Variants in RALGPS1 observed in about 807,000 individuals in gnomAD.
RALGPS1 encodes ras-specific guanine nucleotide-releasing factor RalGPS1.
Under a neutral mutation model 78.8 loss-of-function variants are expected in RALGPS1, and 19 were observed. The observed-to-expected ratio is 0.24, with a 90% confidence interval of 0.17 to 0.35. The LOEUF (loss-of-function observed/expected upper bound fraction) is 0.35. Ranked by LOEUF, RALGPS1 falls within the 10% of genes least tolerant of loss-of-function variation. The pLI is 1.00. For missense variants in RALGPS1, 454 were observed against 688.3 expected (o/e 0.66, Z 3.81); for synonymous variants, 228 against 256.3 (o/e 0.89, Z 1.06).
In RALGPS1 at chr9:127,218,192, T is replaced by C. The variant is rs1316908507; in HGVS notation, c.1645-548T>C. Among the ~76,000 whole-genome samples, 2 of 152,084 alleles carry C rather than the reference T, an allele frequency of 1.3e-5. No homozygotes were observed. Among genetic ancestry groups the C allele is most frequent in the Admixed American group, 6.5e-5 (1 of 15,274 alleles). On this transcript the variant is annotated intron_variant, in intron 18 of 18. Coordinates refer to ENST00000259351, the MANE Select transcript of RALGPS1 (RefSeq NM_014636.3). The surrounding 1 kb of genome is among the most constrained non-coding windows in gnomAD (Gnocchi z 4.4). ...AACACTCTGACCTTGGGGCTAGTGG[T>C]CCCGCCAGTAAAGGGGTCTAGGATC...
chr9:127,107,898 A>G, intron 8 of RALGPS1: 1 of 1,517,784 alleles, frequency 6.6e-7, no homozygotes, highest in East Asian at 2.3e-5. Flanking sequence ...ATGTAACACG[A>G]TCCCAGAAGC....
intron 10 of RALGPS1, among the ~76,000 whole-genome samples, chr9:127,174,279 A>G (rs1052539085): frequency 6.7e-5 from 10 of 150,208 alleles, no homozygotes; most frequent in African/African-American, 1.7e-4. Flanking sequence ...GAGAGAGAGA[A>G]AGAAAGAAAG....
chr9:127,093,740 G>A lies in RALGPS1; in HGVS notation c.610+24384G>A, dbSNP rs758576523. 8.6e-5 allele frequency: 139 copies of A among 1,613,974 alleles called. 1 individual carries two copies. The South Asian group carries it at 1.2e-3, about 14-fold the overall frequency. On this transcript the variant is annotated intron_variant, in intron 8 of 18. Coordinates refer to ENST00000259351, the MANE Select transcript of RALGPS1 (RefSeq NM_014636.3). ...TCCCCTGCCGAGTCTCACCTTGTAC[G>A]TCTCCCAGTTCCTGAAGAAGTTAAC... is the stretch of plus-strand genomic sequence containing the variant.
At chr9:126,935,636 AG>A (rs5900732) in intron 1 of RALGPS1, among the ~76,000 whole-genome samples, 56,907 of 152,086 alleles carry the variant, frequency 0.37, 12,547 homozygotes, top group Non-Finnish European at 0.48. Context: ...TAACTCATAT[AG>A]TACTTAGAAG....
intron 8 of RALGPS1, among the ~76,000 whole-genome samples, chr9:127,124,164 G>A (rs761491470): frequency 5.3e-5 from 8 of 152,176 alleles, no homozygotes; most frequent in Admixed American, 5.2e-4. Context: ...CCTTGAACCC[G>A]AGAGGGTTTG....
At chr9:126,944,576 A>C (rs929983549) in intron 1 of RALGPS1, among the ~76,000 whole-genome samples, 3 of 138,870 alleles carry the variant, frequency 2.2e-5, no homozygotes, top group African/African-American at 7.7e-5. Context: ...ATGGGGAGGG[A>C]AATTGGGTGG....
Position 127,220,973 on chromosome 9 carries a change from CTAAT to C in RALGPS1, c.*2206_*2209del, listed in dbSNP as rs1488687920. 6.6e-6 allele frequency: 1 copy of C among 152,616 alleles called. No individual in the cohort carries two copies. Among genetic ancestry groups the C allele is most frequent in the Non-Finnish European group, 1.5e-5 (1 of 68,040 alleles). 9.5% of individuals were successfully genotyped at this position (152,616 alleles called of 1,614,324 possible). On this transcript the variant is annotated 3_prime_UTR_variant, in exon 19 of 19. Coordinates refer to ENST00000259351, the MANE Select transcript of RALGPS1 (RefSeq NM_014636.3). The stretch of plus-strand genomic sequence containing the variant: ...CAATTCAAAATGTTTAGTCTTCTCA[CTAAT>C]TGAGTCTGCTTCCACGTCCTCTCCC...
At chr9:127,036,084 G>A (rs1197360769) in intron 5 of RALGPS1, among the ~76,000 whole-genome samples, 1 of 152,228 alleles carries the variant, frequency 6.6e-6, no homozygotes, top group East Asian at 1.9e-4. Context: ...TGGCAAAGGC[G>A]ATGTGGCTTA....
chr9:126,942,846 CT>C (rs907491450), intron 1 of RALGPS1, among the ~76,000 whole-genome samples: 3 of 150,730 alleles, frequency 2.0e-5, no homozygotes, highest in Admixed American at 6.6e-5. Flanking sequence ...TGATTTAAGT[CT>C]TTTTTTTTGT....
chr9:127,174,855 C>T (rs934178526), intron 11 of RALGPS1, 73 bp downstream of exon 11: 41 of 1,401,256 alleles, frequency 2.9e-5, no homozygotes, highest in South Asian at 1.3e-4. Context: ...TGGCCTTGAC[C>T]GGGGAGGCCA....
chr9:127,009,483 C>A (rs1033659464), intron 4 of RALGPS1, among the ~76,000 whole-genome samples: 1 of 152,320 alleles, frequency 6.6e-6, no homozygotes, highest in East Asian at 1.9e-4. Context: ...GTATAAATAT[C>A]CCCTTTTAGC....
At chr9:126,966,542 A>AT (rs886313432) in intron 3 of RALGPS1, among the ~76,000 whole-genome samples, 3 of 150,628 alleles carry the variant, frequency 2.0e-5, no homozygotes, top group African/African-American at 7.3e-5. Flanking sequence ...AAAAAAAAAA[A>AT]GCATGTACAA....
At chr9:127,177,967 C>T in intron 11 of RALGPS1, 1 of 1,546,914 alleles carries the variant, frequency 6.5e-7, no homozygotes, top group African/African-American at 1.4e-5. Context: ...ACAGAATGGA[C>T]CCCAGATGGT....
chr9:127,175,836 C>T (rs1027112647), intron 11 of RALGPS1, among the ~76,000 whole-genome samples: 2 of 152,096 alleles, frequency 1.3e-5, no homozygotes, highest in Non-Finnish European at 1.5e-5. Flanking sequence ...CAAGCTGCTA[C>T]GTGGTGCCAC....
intron 5 of RALGPS1, among the ~76,000 whole-genome samples, chr9:127,042,302 A>G (rs1443672449): frequency 2.6e-5 from 4 of 152,152 alleles, no homozygotes; most frequent in Non-Finnish European, 5.9e-5. Flanking sequence ...GTGTATTAAA[A>G]GTTTATTAGC....
intron 7 of RALGPS1, among the ~76,000 whole-genome samples, chr9:127,053,631 C>G (rs1326438110): frequency 6.6e-6 from 1 of 152,144 alleles, no homozygotes; most frequent in Non-Finnish European, 1.5e-5. Context: ...CTTTTAAGAC[C>G]TGTTTATATC....
intron 8 of RALGPS1, among the ~76,000 whole-genome samples, chr9:127,146,536 A>G (rs887749438): frequency 7.1e-6 from 1 of 140,224 alleles, no homozygotes; most frequent in Non-Finnish European, 1.5e-5. Flanking sequence ...ATGTGAGTGC[A>G]TGTGTCTTTT....
chr9:126,959,059 T>C (rs980329264), intron 1 of RALGPS1, among the ~76,000 whole-genome samples: 2 of 151,738 alleles, frequency 1.3e-5, no homozygotes, highest in African/African-American at 2.4e-5. Context: ...ATGTATCTTC[T>C]TCTTCTTTTT....
rs12003841 is a variant in RALGPS1 at position 127,045,834 on chromosome 9, G to A, written c.301-4209G>A. 1.8e-3 allele frequency among the ~76,000 whole-genome samples: 277 copies of A among 150,426 alleles called. 4 individuals are homozygous for A. The highest frequency in any genetic ancestry group is 6.4e-3 in the African/African-American group (261 of 40,866). Reference sequence around the variant, plus strand: ...CTGCCAGCTGAGAGGACCTAGAAACGATGATACCCCAGTAGCAGCAAGCAT... The same window carrying A: ...CTGCCAGCTGAGAGGACCTAGAAACAATGATACCCCAGTAGCAGCAAGCAT... On this transcript the variant is annotated intron_variant, in intron 5 of 18. Transcript: ENST00000259351.
Sources: gnomAD v4.1 joint callset for allele counts (sites outside exome capture counted in the v4.1 genomes callset) on GRCh38, gnomAD v4.1.1 for gene constraint, Gnocchi (gnomAD v3.1) non-coding constraint, MANE v1.5 for transcripts, NCBI Gene and HGNC (gene_info 2026-07-23, HGNC 2026-07-21) for gene names.